CHAT: variants seen among roughly 807,000 people sequenced by gnomAD.
CHAT encodes the protein choline O-acetyltransferase.
A neutral mutation model predicts 76.9 loss-of-function variants in CHAT; 61 were observed. That is an observed-to-expected ratio of 0.79 (90% CI 0.65 to 0.98). The LOEUF is 0.98. CHAT is among the 50% of genes least tolerant of loss of function. The pLI, the probability that CHAT is intolerant of heterozygous loss-of-function variation, is 0.00. For synonymous variants in CHAT, 407 were observed against 397.4 expected, an observed-to-expected ratio of 1.02 and a Z score of -0.29; for missense variants, 946 against 986.9, an observed-to-expected ratio of 0.96 and a Z score of 0.56.
At chr10:49,654,336 G>A (rs1411368726) in intron 11 of CHAT, among the ~76,000 whole-genome samples, 1 of 152,222 alleles carries the variant, frequency 6.6e-6, no homozygotes, top group Non-Finnish European at 1.5e-5. Flanking sequence ...TGAGATGTGG[G>A]GCCACGACTT....
At chr10:49,609,290 C>T (rs1838229366), upstream of CHAT, 1 of 152,198 alleles carries the variant, frequency 6.6e-6, no homozygotes, top group South Asian at 2.1e-4. Flanking sequence ...TCTTACAGTT[C>T]CAAGAGAGGA....
At chr10:49,637,706 T>G (rs1839342763) in intron 7 of CHAT, 1 of 152,266 alleles carries the variant, frequency 6.6e-6, no homozygotes. Context: ...TAGGCAGTTC[T>G]TTAGAGCAGT....
chr10:49,616,367 T>G, intron 1 of CHAT, 135 bp from the exon 2 acceptor site: 1 of 755,934 alleles, frequency 1.3e-6, no homozygotes, highest in Non-Finnish European at 2.3e-6. Context: ...ACGCCTGCAA[T>G]GAGACCCCTA....
chr10:49,620,284 G>T (rs1199353599), intron 3 of CHAT, among the ~76,000 whole-genome samples: 1 of 152,120 alleles, frequency 6.6e-6, no homozygotes, highest in African/African-American at 2.4e-5. Context: ...CACCAGGATG[G>T]GGACTGGGAC....
chr10:49,661,827 A>T lies in CHAT; in HGVS notation c.1840-818A>T, dbSNP rs191859348. Among the ~76,000 whole-genome samples, 327 of 152,232 alleles carry T rather than the reference A, an allele frequency of 2.1e-3. 4 individuals carry two copies. Among genetic ancestry groups the T allele is most frequent in the African/African-American group, 7.2e-3 (298 of 41,538 alleles). On this transcript the variant is annotated intron_variant, in intron 13 of 14. Transcript: ENST00000337653. ...CAAGTGGGGGAGCTGTAGAATGAGT[A>T]CCCGGCCCCACTTCCAGACACCTCA...
intron 7 of CHAT, among the ~76,000 whole-genome samples, chr10:49,642,280 G>T (rs1839507439): frequency 6.6e-6 from 1 of 152,212 alleles, no homozygotes; most frequent in Non-Finnish European, 1.5e-5. Context: ...TGGGTGTAGT[G>T]CTCATTTTCT....
upstream of CHAT, chr10:49,610,835 G>A (rs764690934): frequency 1.9e-6 from 3 of 1,610,056 alleles, no homozygotes; most frequent in Non-Finnish European, 2.5e-6. Context: ...CGGCGGCAGA[G>A]GCGCCTGGTG....
chr10:49,651,791 G>A, intron 10 of CHAT, 93 bp from the exon 11 acceptor site: 2 of 1,352,104 alleles, frequency 1.5e-6, no homozygotes, highest in South Asian at 1.3e-5. Context: ...AGAACGCTAG[G>A]ACACAGACCA....
chr10:49,625,366 C>A (rs1347673477), intron 5 of CHAT, 107 bp from the exon 6 acceptor site: 5 of 1,008,888 alleles, frequency 5.0e-6, no homozygotes, highest in Non-Finnish European at 7.6e-6. Flanking sequence ...GTTCTGGGTT[C>A]TGTGCCCCAT....
intron 8 of CHAT, among the ~76,000 whole-genome samples, chr10:49,648,163 A>C (rs1839742421): frequency 6.6e-6 from 1 of 152,122 alleles, no homozygotes. Context: ...CTATGACAGG[A>C]AACAGGGCTG....
rs1016145047 is a variant in CHAT, at chr10:49,665,852, G to A, written c.*806G>A. Among the ~76,000 whole-genome samples the A allele has an allele frequency of 1.3e-5, 2 of 152,132 alleles. No homozygotes were observed. Among genetic ancestry groups the A allele is most frequent in the African/African-American group, 2.4e-5 (1 of 41,436 alleles). ...CCCCAAGCAGATGGTGCCTGGTGCC[G>A]GTGGGTTTGCAGAGGACCTGGCCCC... On this transcript the variant is annotated 3_prime_UTR_variant, in exon 15 of 15. Transcript: ENST00000337653.
Position 49,619,712 on chromosome 10 carries a change from C to T in CHAT, c.388-13C>T. ...ATACTAGAGGCACAATGCCTATGAA[C>T]CCTTTCTTCCAGGGGCTGCCCAAAC... On this transcript the variant is annotated splice_polypyrimidine_tract_variant and intron_variant, in intron 2 of 14. Coordinates refer to ENST00000337653, the MANE Select transcript of CHAT (RefSeq NM_020549.5). The T allele has an allele frequency of 1.2e-6, 2 of 1,607,990 alleles. No homozygotes were observed. Among genetic ancestry groups the T allele is most frequent in the East Asian group, 2.2e-5 (1 of 44,868 alleles).
chr10:49,626,717 A>C (rs1340052986), intron 6 of CHAT, among the ~76,000 whole-genome samples: 5 of 152,306 alleles, frequency 3.3e-5, no homozygotes, highest in African/African-American at 1.2e-4. Flanking sequence ...GGCCATACAG[A>C]CACTGCTAGG....
intron 4 of CHAT, 78 bp from the exon 5 acceptor site, chr10:49,622,019 A>C (rs1838739489): frequency 2.0e-6 from 3 of 1,465,266 alleles, no homozygotes; most frequent in Non-Finnish European, 2.8e-6. Flanking sequence ...GGAAGGAGGG[A>C]GGGGAGGCAG....
intron 11 of CHAT, among the ~76,000 whole-genome samples, chr10:49,654,185 T>C (rs1839964181): frequency 1.3e-5 from 2 of 152,176 alleles, no homozygotes; most frequent in South Asian, 4.1e-4. Context: ...GCCAGAGTCT[T>C]GGGGAAATAT....
At chr10:49,635,144 T>G (rs1389401253) in intron 7 of CHAT, among the ~76,000 whole-genome samples, 1 of 152,250 alleles carries the variant, frequency 6.6e-6, no homozygotes, top group Non-Finnish European at 1.5e-5. Context: ...TTTCAATAAT[T>G]TTATTGCTTC....
intron 5 of CHAT, among the ~76,000 whole-genome samples, chr10:49,622,768 G>A (rs547432310): frequency 6.6e-6 from 1 of 152,308 alleles, no homozygotes; most frequent in South Asian, 2.1e-4. Context: ...AGGAGAGAGA[G>A]AGGCCCAAAG....
Position 49,664,854 on chromosome 10 carries a change from G to A in CHAT, c.2055G>A (p.Gln685=). 4 of 1,614,188 alleles carry A rather than the reference G, an allele frequency of 2.5e-6. No homozygotes were observed. The highest frequency in any genetic ancestry group is 3.4e-6 in the Non-Finnish European group (4 of 1,180,032). ...PNGYGACYNP[Q]PETILFCISS... ...GGTATGGTGCCTGCTACAACCCCCA[G>A]CCAGAGACCATCCTTTTCTGCATCT... Residue 685 remains glutamine (Q), a synonymous_variant, in exon 15 of 15, where the codon CAG becomes CAA. Coordinates refer to ENST00000337653, the MANE Select transcript of CHAT (RefSeq NM_020549.5).
At chr10:49,612,674 C>A (rs1247274426), upstream of CHAT, 3 of 310,200 alleles carry the variant, frequency 9.7e-6, no homozygotes, top group Non-Finnish European at 1.9e-5. Context: ...TGGGCCGCTG[C>A]ACCGCGGCGC....
Sources: allele counts gnomAD v4.1 joint callset (sites outside exome capture counted in the v4.1 genomes callset), GRCh38; gene constraint gnomAD v4.1.1; transcripts MANE v1.5; gene names NCBI Gene and HGNC (gene_info 2026-07-23, HGNC 2026-07-21).